UGT8: variants seen among roughly 807,000 people sequenced by gnomAD.
UGT8 encodes 2-hydroxyacylsphingosine 1-beta-galactosyltransferase.
In UGT8, 12 loss-of-function variants were observed where a neutral mutation model predicts 40.5. That is an observed-to-expected ratio of 0.30 (90% confidence interval 0.19 to 0.48). UGT8 has a LOEUF of 0.48. Ranked by LOEUF, UGT8 falls within the 20% of genes least tolerant of loss-of-function variation. The pLI is 0.99. For synonymous variants in UGT8, 224 were observed against 240.4 expected (o/e 0.93, Z 0.63); for missense variants, 513 against 648.7 (o/e 0.79, Z 2.27).
chr4:114,604,726 A>G (rs1730636935), intron 1 of UGT8, among the ~76,000 whole-genome samples: 1 of 152,188 alleles, frequency 6.6e-6, no homozygotes, highest in Non-Finnish European at 1.5e-5. Flanking sequence ...GTTATAAGGC[A>G]TATAATAAAT....
At chr4:114,612,923 A>G (rs571189680) in intron 1 of UGT8, among the ~76,000 whole-genome samples, 27 of 152,172 alleles carry the variant, frequency 1.8e-4, no homozygotes, top group Non-Finnish European at 3.7e-4. Context: ...CTTAGAATTC[A>G]TTGGTTTGAT....
intron 2 of UGT8, among the ~76,000 whole-genome samples, chr4:114,659,617 G>A (rs191632038): frequency 6.6e-6 from 1 of 152,120 alleles, no homozygotes; most frequent in African/African-American, 2.4e-5. Context: ...TGCAGTGCTG[G>A]TCTACGTACA....
chr4:114,645,270 G>A (rs191835895), intron 2 of UGT8, among the ~76,000 whole-genome samples: 119 of 152,296 alleles, frequency 7.8e-4, no homozygotes, highest in Non-Finnish European at 1.5e-3. Context: ...GTTGGTGAGT[G>A]CTTACCATGA....
intron 1 of UGT8, among the ~76,000 whole-genome samples, chr4:114,605,118 G>C (rs1447670699): frequency 6.6e-6 from 1 of 152,196 alleles, no homozygotes; most frequent in African/African-American, 2.4e-5. Context: ...GACTTATACA[G>C]AATGCCACAC....
At chr4:114,671,299 A>G (rs1735258609) in intron 5 of UGT8, among the ~76,000 whole-genome samples, 1 of 152,184 alleles carries the variant, frequency 6.6e-6, no homozygotes. Context: ...AGAATTAGAG[A>G]ATACTATTTT....
chr4:114,660,168 C>T (rs866332295), intron 2 of UGT8, among the ~76,000 whole-genome samples: 31 of 152,098 alleles, frequency 2.0e-4, no homozygotes, highest in African/African-American at 7.2e-4. Flanking sequence ...ACAGTAAACC[C>T]AGAGGCCATT....
intron 2 of UGT8, among the ~76,000 whole-genome samples, chr4:114,626,949 T>G (rs1171206273): frequency 6.6e-6 from 1 of 152,248 alleles, no homozygotes; most frequent in East Asian, 1.9e-4. Flanking sequence ...TTCAAATGCT[T>G]TTGATTACAA....
At chr4:114,622,133 T>G (rs1160409026) in intron 1 of UGT8, among the ~76,000 whole-genome samples, 1 of 117,764 alleles carries the variant, frequency 8.5e-6, no homozygotes, top group East Asian at 2.9e-4. Context: ...GTCCCCAGAG[T>G]GTGATGTTCC....
intron 5 of UGT8, among the ~76,000 whole-genome samples, chr4:114,670,897 G>C (rs1250815767): frequency 6.6e-6 from 1 of 152,142 alleles, no homozygotes; most frequent in Non-Finnish European, 1.5e-5. Flanking sequence ...AGATGACATG[G>C]TTTTATATTT....
rs1209478534 is a variant in UGT8, at chr4:114,610,934, T to C, written c.-2-11945T>C. 2.0e-5 allele frequency among the ~76,000 whole-genome samples: 3 copies of C among 152,180 alleles called. 1 individual carries two copies. Among genetic ancestry groups the C allele is most frequent in the Admixed American group, 1.3e-4 (2 of 15,274 alleles). On this transcript the variant is annotated intron_variant, in intron 1 of 5. Coordinates refer to ENST00000310836, the MANE Select transcript of UGT8 (RefSeq NM_001128174.3). ...GTGGGGGAAATAATCCCATGATCTTTTGTGATTCTACAACATTACTGTAGC... is the reference window on the plus strand; with the variant it reads ...GTGGGGGAAATAATCCCATGATCTTCTGTGATTCTACAACATTACTGTAGC...
intron 5 of UGT8, among the ~76,000 whole-genome samples, chr4:114,669,968 T>C (rs1735132593): frequency 1.3e-5 from 2 of 152,202 alleles, no homozygotes; most frequent in South Asian, 4.1e-4. Flanking sequence ...TAACAGGTGA[T>C]AATTATTGAA....
At chr4:114,635,368 A>G (rs1347591504) in intron 2 of UGT8, among the ~76,000 whole-genome samples, 9 of 152,002 alleles carry the variant, frequency 5.9e-5, no homozygotes, top group Non-Finnish European at 1.2e-4. Context: ...AAAAAATTCA[A>G]GCCACCATAT....
chr4:114,600,486 T>C (rs1179804344), intron 1 of UGT8, among the ~76,000 whole-genome samples: 1 of 152,192 alleles, frequency 6.6e-6, no homozygotes, highest in Admixed American at 6.5e-5. Flanking sequence ...GAAGGAAGGA[T>C]AGAAAGTGCC....
intron 5 of UGT8, among the ~76,000 whole-genome samples, chr4:114,674,353 T>C (rs1337048420): frequency 6.6e-6 from 1 of 152,152 alleles, no homozygotes; most frequent in East Asian, 1.9e-4. Context: ...ATCTCTCCCT[T>C]TCCCTTCACA....
In UGT8 at chr4:114,647,400, C is replaced by G. The variant is rs1036033198; in HGVS notation, c.823-16595C>G. 4.7e-5 allele frequency among the ~76,000 whole-genome samples: 7 copies of G among 148,958 alleles called. No individual in the cohort carries two copies. The East Asian group carries it at 5.9e-4, about 13-fold the overall frequency. On this transcript the variant is annotated intron_variant, in intron 2 of 5. Transcript: ENST00000310836. The stretch of plus-strand genomic sequence containing the variant: ...TGTGTGTGTGTGTGTGTGTCTCACT[C>G]TGTCACCCAGGCTGGAGTGCAGTGG...
intron 2 of UGT8, among the ~76,000 whole-genome samples, chr4:114,627,859 T>C (rs1293323852): frequency 6.6e-6 from 1 of 152,196 alleles, no homozygotes; most frequent in Non-Finnish European, 1.5e-5. Context: ...GTACTGTTTT[T>C]GTTGTTGTTT....
intron 1 of UGT8, among the ~76,000 whole-genome samples, chr4:114,611,528 CATAT>C (rs34223454): frequency 2.3e-5 from 1 of 43,262 alleles, no homozygotes; most frequent in African/African-American, 4.4e-5. Flanking sequence ...CGTATATATC[CATAT>C]ATATATATAT....
At chr4:114,621,021 T>A (rs532374392) in intron 1 of UGT8, among the ~76,000 whole-genome samples, 73 of 152,338 alleles carry the variant, frequency 4.8e-4, no homozygotes, top group African/African-American at 1.7e-3. Context: ...TTTGGGGGTC[T>A]AATTTAGAGT....
rs975033509 is a variant in UGT8, at chr4:114,667,760, T to G, written c.1043-325T>G. 18 of 420,710 alleles carry G rather than the reference T, an allele frequency of 4.3e-5. No individual in the cohort carries two copies. In the South Asian group the frequency reaches 1.4e-3, roughly 34 times the overall value. 26.1% of individuals were successfully genotyped at this position (420,710 alleles called of 1,614,324 possible). A position where few individuals can be genotyped will look rare whatever the true frequency, so the allele number is the denominator to read the frequency against. On this transcript the variant is annotated intron_variant, in intron 4 of 5. Coordinates refer to ENST00000310836, the MANE Select transcript of UGT8 (RefSeq NM_001128174.3). Reference sequence around the variant, plus strand: ...TCTGTTTTTTCACTCTGGTATTGTTTGGCATTTCTTGCTTTCATTGGCTTC... The same window carrying G: ...TCTGTTTTTTCACTCTGGTATTGTTGGGCATTTCTTGCTTTCATTGGCTTC...
Sources: allele counts gnomAD v4.1 joint callset (sites outside exome capture counted in the v4.1 genomes callset), GRCh38; gene constraint gnomAD v4.1.1; transcripts MANE v1.5; gene names NCBI Gene and HGNC (gene_info 2026-07-23, HGNC 2026-07-21).